Variants in AUTS2 observed in about 807,000 individuals in gnomAD.
AUTS2 encodes the protein autism susceptibility gene 2 protein.
A neutral mutation model predicts 112.4 loss-of-function variants in AUTS2; 17 were observed. That is an observed-to-expected ratio of 0.15 (90% CI 0.10 to 0.23). AUTS2 has a LOEUF of 0.23. Among genes scored for constraint, AUTS2 ranks in the 10% least tolerant of loss-of-function variants. AUTS2 has a pLI of 1.00. For synonymous variants in AUTS2, 751 were observed against 702.7 expected (o/e 1.07, Z -1.09); for missense variants, 1,510 against 1,701.6 (o/e 0.89, Z 1.98).
At chr7:70,075,891 A>C (rs1001852052) in intron 2 of AUTS2, among the ~76,000 whole-genome samples, 1 of 152,222 alleles carries the variant, frequency 6.6e-6, no homozygotes, top group Non-Finnish European at 1.5e-5. Context: ...GAGATTGCCA[A>C]ACTTTTTCTA....
chr7:70,146,370 T>C (rs1039382102), intron 4 of AUTS2, among the ~76,000 whole-genome samples: 4 of 152,138 alleles, frequency 2.6e-5, no homozygotes, highest in Admixed American at 2.6e-4. Flanking sequence ...TTGACCATAA[T>C]TTTACTTATT....
intron 4 of AUTS2, among the ~76,000 whole-genome samples, chr7:70,422,936 A>G (rs569757799): frequency 2.6e-5 from 4 of 152,140 alleles, no homozygotes; most frequent in African/African-American, 9.6e-5. Flanking sequence ...TGCTACTGTA[A>G]TTTATTAATT....
chr7:70,664,338 T>C (rs563769730), intron 5 of AUTS2, among the ~76,000 whole-genome samples: 10 of 152,232 alleles, frequency 6.6e-5, no homozygotes, highest in African/African-American at 2.4e-4. Flanking sequence ...GCCCCTGGGG[T>C]AAATGGCAGC....
chr7:70,290,703 C>T (rs1020281534), intron 4 of AUTS2: 3 of 1,290,718 alleles, frequency 2.3e-6, no homozygotes, highest in African/African-American at 3.1e-5. Flanking sequence ...GATCCTTTGA[C>T]AATTGTTAAC....
At chr7:70,397,960 T>G (rs1302330080) in intron 4 of AUTS2, among the ~76,000 whole-genome samples, 2 of 152,222 alleles carry the variant, frequency 1.3e-5, no homozygotes, top group African/African-American at 4.8e-5. Context: ...ATGATGTGAC[T>G]TCAATTTTGT....
At position 70,165,224 on chromosome 7, in the gene AUTS2, C is replaced by T. The variant is rs187383867; in HGVS notation, c.660+30653C>T. ...GCATTGCCATAGAAAATTTCCTGAC[C>T]GCCTAACATACTTCAAGAGAGAGAA... On this transcript the variant is annotated intron_variant, in intron 4 of 18. Transcript: ENST00000342771. 2.1e-4 allele frequency among the ~76,000 whole-genome samples: 32 copies of T among 152,102 alleles called. No individual in the cohort carries two copies. The East Asian group carries it at 4.4e-3, about 21-fold the overall frequency.
At chr7:70,696,037 G>A (rs1205558244) in intron 5 of AUTS2, among the ~76,000 whole-genome samples, 1 of 150,776 alleles carries the variant, frequency 6.6e-6, no homozygotes, top group Non-Finnish European at 1.5e-5. Flanking sequence ...TTTTTAAAAA[G>A]CCAGGAAAAT....
At chr7:70,525,080 G>A (rs1457086385) in intron 5 of AUTS2, among the ~76,000 whole-genome samples, 1 of 152,130 alleles carries the variant, frequency 6.6e-6, no homozygotes, top group Non-Finnish European at 1.5e-5. Flanking sequence ...ATTTTTTCCA[G>A]CTTCCCATTC....
chr7:69,757,366 G>A (rs1787983760), intron 1 of AUTS2, among the ~76,000 whole-genome samples: 1 of 152,216 alleles, frequency 6.6e-6, no homozygotes, highest in Non-Finnish European at 1.5e-5. Context: ...TGAGGGACTT[G>A]CTGGCAGGAT....
intron 1 of AUTS2, among the ~76,000 whole-genome samples, chr7:69,886,289 C>T (rs1402604002): frequency 2.6e-5 from 4 of 152,204 alleles, no homozygotes; most frequent in Non-Finnish European, 5.9e-5. Context: ...AATGCCTGCA[C>T]ATCTTCAATA....
intron 2 of AUTS2, among the ~76,000 whole-genome samples, chr7:70,074,835 A>G (rs1258374977): frequency 4.6e-5 from 7 of 152,230 alleles, no homozygotes; most frequent in Non-Finnish European, 7.3e-5. Flanking sequence ...GAATACATGC[A>G]TACTATCCTG....
chr7:70,606,677 AGTG>A (rs890003220), intron 5 of AUTS2, among the ~76,000 whole-genome samples: 15 of 152,156 alleles, frequency 9.9e-5, no homozygotes, highest in Admixed American at 7.8e-4. Flanking sequence ...CCTCATCAAA[AGTG>A]GTGAAACCCC....
chr7:70,345,225 A>G (rs1285822637), intron 4 of AUTS2, among the ~76,000 whole-genome samples: 2 of 152,068 alleles, frequency 1.3e-5, no homozygotes, highest in Non-Finnish European at 1.5e-5. Context: ...TGACTACTGG[A>G]TGGTTATCTA....
At chr7:70,677,205 A>G (rs149792198) in intron 5 of AUTS2, among the ~76,000 whole-genome samples, 333 of 152,238 alleles carry the variant, frequency 2.2e-3, no homozygotes, top group Non-Finnish European at 3.6e-3. Context: ...AAACGTGGAC[A>G]CTGTCCAGGT....
chr7:69,926,513 A>G (rs1218723233), intron 2 of AUTS2, among the ~76,000 whole-genome samples: 1 of 151,292 alleles, frequency 6.6e-6, no homozygotes, highest in Non-Finnish European at 1.5e-5. Flanking sequence ...CTACCTACCT[A>G]TATCTGTCAG....
At chr7:70,532,224 T>C (rs1800125944) in intron 5 of AUTS2, among the ~76,000 whole-genome samples, 1 of 152,140 alleles carries the variant, frequency 6.6e-6, no homozygotes, top group South Asian at 2.1e-4. Context: ...CACTGGCCAA[T>C]GCAAGTCACA....
chr7:70,403,379 G>T (rs1794405344), intron 4 of AUTS2, among the ~76,000 whole-genome samples: 1 of 152,216 alleles, frequency 6.6e-6, no homozygotes, highest in South Asian at 2.1e-4. Flanking sequence ...TCCACACCTT[G>T]GGCCTGACTG....
chr7:69,842,746 G>C (rs1166830759), intron 1 of AUTS2, among the ~76,000 whole-genome samples: 2 of 152,196 alleles, frequency 1.3e-5, no homozygotes, highest in Non-Finnish European at 2.9e-5. Flanking sequence ...CTAAAGTTAA[G>C]TGTTTGAGCT....
chr7:70,249,663 C>G (rs1003935653), intron 4 of AUTS2, among the ~76,000 whole-genome samples: 1 of 151,982 alleles, frequency 6.6e-6, no homozygotes. Flanking sequence ...CCAGAATAAC[C>G]TAGTAACCAT....
Sources: allele counts gnomAD v4.1 joint callset (sites outside exome capture counted in the v4.1 genomes callset), GRCh38; gene constraint gnomAD v4.1.1; transcripts MANE v1.5; gene names NCBI Gene and HGNC (gene_info 2026-07-23, HGNC 2026-07-21).